Variants in ZNF362 observed in about 807,000 individuals in gnomAD.
ZNF362 encodes the protein rotund homolog.
In ZNF362, 11 loss-of-function variants were observed where a neutral mutation model predicts 42.9. The observed-to-expected ratio is 0.26, with a 90% CI of 0.16 to 0.42. The LOEUF is 0.42. Among genes scored for constraint, ZNF362 ranks in the 20% least tolerant of loss-of-function variants. The pLI, the probability that ZNF362 is intolerant of heterozygous loss-of-function variation, is 1.00. For missense variants in ZNF362, 362 were observed against 576.2 expected, an observed-to-expected ratio of 0.63 and a Z score of 3.81; for synonymous variants, 255 against 257.3, an observed-to-expected ratio of 0.99 and a Z score of 0.09.
the ZNF362 span, among the ~76,000 whole-genome samples, chr1:33,207,449 C>A: frequency 4.6e-5 from 7 of 152,162 alleles, no homozygotes; most frequent in African/African-American, 1.7e-4. Flanking sequence ...GATTTATAAT[C>A]CTTTGGGTAT....
At chr1:33,180,341 G>C in the ZNF362 span, among the ~76,000 whole-genome samples, 1 of 152,086 alleles carries the variant, frequency 6.6e-6, no homozygotes, top group South Asian at 2.1e-4. Context: ...CTCTACTCTG[G>C]CTTAAATCTA....
At chr1:33,131,210 T>C in the ZNF362 span, among the ~76,000 whole-genome samples, 1 of 152,248 alleles carries the variant, frequency 6.6e-6, no homozygotes, top group Non-Finnish European at 1.5e-5. Context: ...TCAAAGTGTA[T>C]GGTATACCAT....
Position 33,295,020 on chromosome 1 carries a change from GTGCC to G in ZNF362, c.987+15_987+18del, listed in dbSNP as rs753994368. On this transcript the variant is annotated splice_donor_region_variant and intron_variant, in intron 7 of 8. Transcript: ENST00000539719. ...ACTCAGCTCTCCAACCTCCAGGTGA[GTGCC>G]TGCCTGCCTCCTGCCCACCAGGTGC... 4.6e-5 allele frequency: 75 copies of G among 1,614,090 alleles called. No homozygotes were observed. The highest frequency in any genetic ancestry group is 1.8e-4 in the East Asian group (8 of 44,874).
chr1:33,268,328 C>A (rs1645878623), intron 1 of ZNF362, among the ~76,000 whole-genome samples: 1 of 152,174 alleles, frequency 6.6e-6, no homozygotes, highest in African/African-American at 2.4e-5. Flanking sequence ...AGGCCACAGC[C>A]CTTTCAGTTC....
At chr1:33,264,496 A>G (rs562047930) in intron 1 of ZNF362, among the ~76,000 whole-genome samples, 2 of 152,312 alleles carry the variant, frequency 1.3e-5, no homozygotes, top group African/African-American at 2.4e-5. Context: ...AGTACAACCC[A>G]TGGAGATACC....
intron 6 of ZNF362, among the ~76,000 whole-genome samples, chr1:33,285,695 T>A (rs1374142909): frequency 6.6e-6 from 1 of 152,236 alleles, no homozygotes; most frequent in African/African-American, 2.4e-5. Flanking sequence ...GTTTCTCTTT[T>A]TATTTGCCAA....
chr1:33,193,004 CATAT>C, the ZNF362 span, among the ~76,000 whole-genome samples: 5,465 of 136,684 alleles, frequency 0.04, 208 homozygotes, highest in African/African-American at 0.1. Context: ...CACACACACA[CATAT>C]ATATATATAT....
chr1:33,181,524 C>T, the ZNF362 span: 5 of 1,450,510 alleles, frequency 3.4e-6, no homozygotes, highest in Admixed American at 1.1e-4. This position sits in a 1 kb window ranked among gnomAD's most constrained non-coding sequence, Gnocchi z 6.5. Flanking sequence ...GGGCTGGGCG[C>T]GGGGACGAGG....
chr1:33,181,476 C>T, the ZNF362 span: 2 of 1,531,894 alleles, frequency 1.3e-6, no homozygotes, highest in Non-Finnish European at 1.7e-6. This position sits in a 1 kb window ranked among gnomAD's most constrained non-coding sequence, Gnocchi z 6.5. Flanking sequence ...GGCAGGGGGG[C>T]GGCTGAGAGA....
chr1:33,296,282 C>T (rs1288009986), intron 8 of ZNF362, among the ~76,000 whole-genome samples: 8 of 152,146 alleles, frequency 5.3e-5, no homozygotes. Context: ...CAACCGCTCC[C>T]CAAGTGGTGA....
At chr1:33,286,467 A>G (rs1646033540) in intron 6 of ZNF362, among the ~76,000 whole-genome samples, 1 of 151,798 alleles carries the variant, frequency 6.6e-6, no homozygotes, top group African/African-American at 2.4e-5. Flanking sequence ...TGACTCAGGG[A>G]TTATTCTCCA....
the ZNF362 span, among the ~76,000 whole-genome samples, chr1:33,183,000 C>T: frequency 3.3e-5 from 5 of 152,126 alleles, no homozygotes; most frequent in African/African-American, 4.8e-5. Context: ...AATGTGTCTG[C>T]GGATGCACAG....
the ZNF362 span, among the ~76,000 whole-genome samples, chr1:33,188,160 G>A: frequency 1.3e-5 from 2 of 152,296 alleles, no homozygotes; most frequent in East Asian, 3.9e-4. Context: ...CTTGAACCCA[G>A]GAGGCAGAGG....
the ZNF362 span, among the ~76,000 whole-genome samples, chr1:33,131,774 TA>T: frequency 6.6e-6 from 1 of 152,328 alleles, no homozygotes; most frequent in Non-Finnish European, 1.5e-5. Flanking sequence ...AATTATCTAT[TA>T]AATATACCTC....
At chr1:33,144,713 C>G in the ZNF362 span, among the ~76,000 whole-genome samples, 1 of 152,306 alleles carries the variant, frequency 6.6e-6, no homozygotes, top group Non-Finnish European at 1.5e-5. Flanking sequence ...AGAGCCTGTC[C>G]TAACTCCCAG....
chr1:33,179,817 G>C, the ZNF362 span, among the ~76,000 whole-genome samples: 1 of 152,002 alleles, frequency 6.6e-6, no homozygotes, highest in Non-Finnish European at 1.5e-5. Flanking sequence ...AAGTAAGCTT[G>C]GGAACCATTT....
chr1:33,230,538 C>T, the ZNF362 span, among the ~76,000 whole-genome samples: 6 of 152,214 alleles, frequency 3.9e-5, no homozygotes, highest in African/African-American at 1.4e-4. Flanking sequence ...TGATGTTCAC[C>T]GAATACTTCA....
chr1:33,294,815 C>A lies in ZNF362; in HGVS notation c.909-122C>A. 9.4e-7 allele frequency: 1 copy of A among 1,063,086 alleles called. No homozygotes were observed. The highest frequency in any genetic ancestry group is 1.4e-5 in the South Asian group (1 of 70,332). 65.9% of individuals were successfully genotyped at this position (1,063,086 alleles called of 1,614,324 possible). A position where few individuals can be genotyped will look rare whatever the true frequency, so the allele number is the denominator to read the frequency against. On this transcript the variant is annotated intron_variant, in intron 6 of 8. Transcript: ENST00000539719. This position sits in a 1 kb window ranked among gnomAD's most constrained non-coding sequence, Gnocchi z 4.2. ...GCTCTTGCCTGGGCTCACTCTTGGTCCTTGGGGAGCATGGGCAGGGTAGGG... is the reference window on the plus strand; with the variant it reads ...GCTCTTGCCTGGGCTCACTCTTGGTACTTGGGGAGCATGGGCAGGGTAGGG...
At chr1:33,187,919 G>A in the ZNF362 span, among the ~76,000 whole-genome samples, 3 of 152,264 alleles carry the variant, frequency 2.0e-5, no homozygotes, top group Non-Finnish European at 2.9e-5. Flanking sequence ...CCTTACAATA[G>A]CTATTGTCTC....
Sources: allele counts gnomAD v4.1 joint callset (sites outside exome capture counted in the v4.1 genomes callset), GRCh38; gene constraint gnomAD v4.1.1; non-coding constraint Gnocchi (gnomAD v3.1); transcripts MANE v1.5; gene names NCBI Gene and HGNC (gene_info 2026-07-23, HGNC 2026-07-21).